VAC14: variants seen among roughly 807,000 people sequenced by gnomAD.
VAC14 encodes VAC14 component of PIKFYVE complex.
VAC14 carries 47 observed loss-of-function variants against 85.3 expected under a neutral mutation model. The observed-to-expected ratio is 0.55, with a 90% CI of 0.44 to 0.70. VAC14 has a LOEUF of 0.70. Ranked by LOEUF, VAC14 falls within the 30% of genes least tolerant of loss-of-function variation. The pLI is 0.00. For synonymous variants in VAC14, 447 were observed against 430.5 expected (o/e 1.04, Z -0.47); for missense variants, 861 against 1,004.3 (o/e 0.86, Z 1.93).
At chr16:70,778,700 G>A (rs2033649195) in intron 9 of VAC14, 1 of 152,186 alleles carries the variant, frequency 6.6e-6, no homozygotes, top group South Asian at 2.1e-4. Context: ...AAACAGAGCA[G>A]AAGGTGAAGC....
At chr16:70,758,029 A>G (rs979980165) in intron 12 of VAC14, among the ~76,000 whole-genome samples, 5 of 152,232 alleles carry the variant, frequency 3.3e-5, no homozygotes, top group African/African-American at 1.2e-4. Context: ...GAAGAACCAG[A>G]GAGGGAAGTC....
At chr16:70,786,071 C>T in intron 2 of VAC14, 144 bp downstream of exon 2, 2 of 1,435,728 alleles carry the variant, frequency 1.4e-6, no homozygotes, top group Admixed American at 2.2e-5. Context: ...CAAAGCCAGC[C>T]TTGCTGGTCT....
intron 12 of VAC14, among the ~76,000 whole-genome samples, chr16:70,757,657 G>A (rs2031980422): frequency 6.6e-6 from 1 of 152,222 alleles, no homozygotes; most frequent in East Asian, 1.9e-4. Context: ...GGGTTTTGCT[G>A]CTGAAGCAGA....
intron 12 of VAC14, among the ~76,000 whole-genome samples, chr16:70,751,971 C>T (rs1346515942): frequency 6.6e-6 from 1 of 152,248 alleles, no homozygotes; most frequent in East Asian, 1.9e-4. Flanking sequence ...GAACGCTTAG[C>T]TTTGGTGGTG....
In VAC14 at chr16:70,688,082, A is replaced by C. The variant is rs768325739; in HGVS notation, c.2195T>G (p.Leu732Arg). Residue 732 changes from leucine (L) to arginine (R), a missense_variant, in exon 19 of 19, where the codon CTA becomes CGA. Physicochemically the swap from Leu to Arg is moderately radical, Grantham distance 102. This residue lies in a region of VAC14 where 163 missense variants were observed against 162.2 expected (regional missense o/e 1.00). Transcript: ENST00000261776. ...TTTCTGGGACTTGGGGGCTGCCTTT[A>C]GACTGTCTCTGGGAAGAGGGAGCAG... is the stretch of plus-strand genomic sequence containing the variant. The part of the protein sequence containing the change: ...NPELLQTEDS[L>R]KAAPKSQKAD... The C allele has an allele frequency of 6.3e-7, 1 of 1,580,746 alleles. No individual in the cohort carries two copies. The highest frequency in any genetic ancestry group is 1.1e-5 in the South Asian group (1 of 87,234).
intron 8 of VAC14, among the ~76,000 whole-genome samples, chr16:70,781,385 T>C (rs1231264058): frequency 6.6e-6 from 1 of 152,208 alleles, no homozygotes; most frequent in Non-Finnish European, 1.5e-5. Flanking sequence ...TGGGTTAATA[T>C]AGAGTGGTCC....
At chr16:70,765,378 G>C (rs193042678) in intron 10 of VAC14, among the ~76,000 whole-genome samples, 1 of 152,208 alleles carries the variant, frequency 6.6e-6, no homozygotes, top group Non-Finnish European at 1.5e-5. Context: ...GGCAGGATCA[G>C]TGGTGTGTCT....
In VAC14 at chr16:70,698,227, C is replaced by T. The variant is rs111783911; in HGVS notation, c.1836+410G>A. Reference sequence around the variant, plus strand: ...AAGGAGGGCGAGAAGAGCTGTTAACCCCTGATTCGCCAGCAAGGTTATAAC... The same window carrying T: ...AAGGAGGGCGAGAAGAGCTGTTAACTCCTGATTCGCCAGCAAGGTTATAAC... On this transcript the variant is annotated intron_variant, in intron 15 of 18. Coordinates refer to ENST00000261776, the MANE Select transcript of VAC14 (RefSeq NM_018052.5). Among the ~76,000 whole-genome samples the T allele has an allele frequency of 4.9e-3, 752 of 152,272 alleles. 8 individuals are homozygous for T. Among genetic ancestry groups the T allele is most frequent in the African/African-American group, 0.018 (732 of 41,556 alleles).
At chr16:70,794,203 C>T (rs1362021279) in intron 1 of VAC14, among the ~76,000 whole-genome samples, 2 of 152,096 alleles carry the variant, frequency 1.3e-5, no homozygotes, top group Non-Finnish European at 2.9e-5. Flanking sequence ...TGTATATTCA[C>T]GAAGCTGTGC....
chr16:70,785,969 C>G, intron 2 of VAC14, 100 bp from the exon 3 acceptor site: 1 of 1,416,048 alleles, frequency 7.1e-7, no homozygotes, highest in African/African-American at 1.4e-5. Context: ...TGAAGGTGCT[C>G]AGGCCTTTGT....
intron 14 of VAC14, among the ~76,000 whole-genome samples, chr16:70,728,429 C>G (rs78460206): frequency 6.6e-6 from 1 of 152,316 alleles, no homozygotes; most frequent in South Asian, 2.1e-4. Flanking sequence ...CCAGTGGGCA[C>G]GTTACTTCCT....
Position 70,783,057 on chromosome 16 carries a change from G to C in VAC14, c.787C>G (p.Leu263Val). 1 of 1,614,190 alleles carries C rather than the reference G, an allele frequency of 6.2e-7. No homozygotes were observed. Among genetic ancestry groups the C allele is most frequent in the South Asian group, 1.1e-5 (1 of 91,082 alleles). ...SVKFAEMANI[L>V]VIHCQTTDDL... ...CCTGTTGTCTGGCAGTGGATCACCA[G>C]GATGTTGGCCATCTCAGCAAACTTC... The change falls in exon 7 of 19, where the codon CTG becomes GTG. Residue 263 changes from leucine to valine, a missense_variant. By Grantham distance (32) the Leu-to-Val change is conservative (BLOSUM62 1). Coordinates refer to ENST00000261776, the MANE Select transcript of VAC14 (RefSeq NM_018052.5).
intron 14 of VAC14, chr16:70,715,219 C>T (rs2054137991): frequency 6.6e-6 from 1 of 152,320 alleles, no homozygotes; most frequent in Non-Finnish European, 1.5e-5. Flanking sequence ...TCCCCCACTC[C>T]TTCCCCGACC....
At chr16:70,744,609 A>T (rs766289046) in intron 12 of VAC14, 30 bp from the exon 13 acceptor site, 7 of 1,560,222 alleles carry the variant, frequency 4.5e-6, no homozygotes, top group Non-Finnish European at 6.1e-6. Context: ...AGGAGGGATG[A>T]GCTCTCCGCT....
chr16:70,779,208 G>C (rs2033687900), intron 9 of VAC14: 1 of 152,222 alleles, frequency 6.6e-6, no homozygotes, highest in South Asian at 2.1e-4. Flanking sequence ...GTCCAGCATG[G>C]ACAGCTGCTG....
At chr16:70,787,506 G>A (rs566582724) in intron 1 of VAC14, among the ~76,000 whole-genome samples, 1 of 152,248 alleles carries the variant, frequency 6.6e-6, no homozygotes, top group African/African-American at 2.4e-5. Flanking sequence ...CTGAGTGGAG[G>A]AGCTGAGGGA....
chr16:70,688,959 T>C (rs1185893484), intron 18 of VAC14: 3 of 985,506 alleles, frequency 3.0e-6, no homozygotes, highest in Middle Eastern at 5.2e-4. Context: ...TTCCAGGCCC[T>C]GAGGCCTGGT....
chr16:70,788,079 A>T (rs2034152507), intron 1 of VAC14, among the ~76,000 whole-genome samples: 1 of 152,234 alleles, frequency 6.6e-6, no homozygotes, highest in African/African-American at 2.4e-5. Context: ...CTGTTCCACA[A>T]ATGGGGTCTC....
chr16:70,696,130 G>A (rs1308089628), intron 16 of VAC14, among the ~76,000 whole-genome samples: 1 of 152,196 alleles, frequency 6.6e-6, no homozygotes, highest in East Asian at 1.9e-4. Flanking sequence ...CCCAACTCCT[G>A]GCTGGTCATG....
Sources: gnomAD v4.1 joint callset for allele counts (sites outside exome capture counted in the v4.1 genomes callset) on GRCh38, gnomAD v4.1.1 for gene constraint, gnomAD v4.1.1 regional missense constraint, MANE v1.5 for transcripts, NCBI Gene and HGNC (gene_info 2026-07-23, HGNC 2026-07-21) for gene names.